Variants in CADPS observed in about 807,000 individuals in gnomAD.
CADPS encodes the protein calcium dependent secretion activator.
A neutral mutation model predicts 167.3 loss-of-function variants in CADPS; 57 were observed. That is an observed-to-expected ratio of 0.34 (90% CI 0.28 to 0.42). CADPS has a LOEUF of 0.42. CADPS is among the 20% of genes least tolerant of loss of function. The pLI, the probability that CADPS is intolerant of heterozygous loss-of-function variation, is 1.00. For synonymous variants in CADPS, 676 were observed against 635.3 expected (o/e 1.06, Z -0.96); for missense variants, 1,414 against 1,738.1 (o/e 0.81, Z 3.32).
chr3:62,497,437 G>C (rs1252383809), intron 18 of CADPS, among the ~76,000 whole-genome samples: 3 of 152,178 alleles, frequency 2.0e-5, no homozygotes, highest in Non-Finnish European at 2.9e-5. Flanking sequence ...CATGCCTCTG[G>C]AGATGACTTT....
Position 62,635,043 on chromosome 3 carries a change from T to A in CADPS, c.1325+10679A>T, listed in dbSNP as rs115865015. Among the ~76,000 whole-genome samples, 697 of 152,308 alleles carry A rather than the reference T, an allele frequency of 4.6e-3. 6 individuals are homozygous for A. The highest frequency in any genetic ancestry group is 0.016 in the African/African-American group (666 of 41,578). ...TGGTTCTGATTACAAATGACAAAAA[T>A]TACACACTAAGTTCTTCCAGAGGCT... On this transcript the variant is annotated intron_variant, in intron 6 of 29. Coordinates refer to ENST00000383710, the MANE Select transcript of CADPS (RefSeq NM_003716.4).
intron 1 of CADPS, chr3:62,779,892 A>G (rs1438494983): frequency 2.8e-5 from 5 of 181,742 alleles, no homozygotes; most frequent in Admixed American, 2.4e-4. Context: ...TAGGGATAAC[A>G]TAAGGATAAA....
rs527643464 is a variant in CADPS at position 62,822,288 on chromosome 3, C to T, written c.441+52301G>A. Among the ~76,000 whole-genome samples the T allele has an allele frequency of 2.0e-4, 30 of 152,244 alleles. No individual in the cohort carries two copies. In the South Asian group the frequency reaches 3.3e-3, roughly 17 times the overall value. On this transcript the variant is annotated intron_variant, in intron 1 of 29. Coordinates refer to ENST00000383710, the MANE Select transcript of CADPS (RefSeq NM_003716.4). ...CTTATAATTCTGCCTACCACATCAC[C>T]CTTGATCTTTTTCACCTTCCCTCAA...
intron 16 of CADPS, among the ~76,000 whole-genome samples, chr3:62,515,509 G>GAA (rs2068760234): frequency 6.6e-6 from 1 of 152,056 alleles, no homozygotes; most frequent in Non-Finnish European, 1.5e-5. Flanking sequence ...GGAGTAACAA[G>GAA]AATGAATGAG....
chr3:62,473,642 A>G (rs2060889943), intron 24 of CADPS: 1 of 151,840 alleles, frequency 6.6e-6, no homozygotes, highest in Non-Finnish European at 1.5e-5. Context: ...GTCAGGAAAG[A>G]TTCATGATCA....
chr3:62,806,908 G>T (rs1406002186), intron 1 of CADPS, among the ~76,000 whole-genome samples: 2 of 152,168 alleles, frequency 1.3e-5, no homozygotes, highest in Non-Finnish European at 2.9e-5. Context: ...TAAGATTCTG[G>T]AATAATTATT....
At chr3:62,491,281 T>C (rs1407016856) in intron 21 of CADPS, 58 bp downstream of exon 21, 12 of 1,554,218 alleles carry the variant, frequency 7.7e-6, no homozygotes, top group Non-Finnish European at 1.1e-5. Context: ...TCCATTTCTG[T>C]ATTACTCTCC....
At chr3:62,596,836 C>T (rs1171931515) in intron 6 of CADPS, among the ~76,000 whole-genome samples, 2 of 152,136 alleles carry the variant, frequency 1.3e-5, no homozygotes, top group Non-Finnish European at 2.9e-5. Flanking sequence ...GGTAAAATAG[C>T]TATTATCATT....
At chr3:62,702,071 A>T (rs6769617) in intron 3 of CADPS, among the ~76,000 whole-genome samples, 94,212 of 151,950 alleles carry the variant, frequency 0.62, 30,538 homozygotes, top group East Asian at 0.98. Flanking sequence ...CTGCAACATG[A>T]GGATTCAGTA....
intron 1 of CADPS, among the ~76,000 whole-genome samples, chr3:62,801,675 T>G (rs938886380): frequency 6.6e-6 from 1 of 152,176 alleles, no homozygotes; most frequent in Non-Finnish European, 1.5e-5. Flanking sequence ...AACGCCAATA[T>G]GTGCCAGGTG....
chr3:62,403,434 A>G, intron 28 of CADPS: 4 of 286,084 alleles, frequency 1.4e-5, no homozygotes, highest in Non-Finnish European at 2.6e-5. Flanking sequence ...GAACTCTTCC[A>G]CGACAGACAT....
At chr3:62,519,415 G>A (rs1196453557) in intron 13 of CADPS, among the ~76,000 whole-genome samples, 1 of 152,130 alleles carries the variant, frequency 6.6e-6, no homozygotes, top group Non-Finnish European at 1.5e-5. Flanking sequence ...TAATCAGTCA[G>A]CTTTCCTTCT....
intron 19 of CADPS, 123 bp from the exon 20 acceptor site, chr3:62,492,569 T>C: frequency 1.3e-5 from 13 of 973,014 alleles, no homozygotes; most frequent in Non-Finnish European, 1.9e-5. Flanking sequence ...TTTGGTAATT[T>C]TATTGTAAAG....
intron 9 of CADPS, among the ~76,000 whole-genome samples, chr3:62,558,710 G>A (rs578257529): frequency 2.6e-5 from 4 of 152,256 alleles, no homozygotes; most frequent in South Asian, 2.1e-4. Flanking sequence ...GGTGTCCGCA[G>A]GAGGATGTTT....
chr3:62,628,539 C>T (rs1042648971), intron 6 of CADPS, among the ~76,000 whole-genome samples: 1 of 151,862 alleles, frequency 6.6e-6, no homozygotes, highest in Non-Finnish European at 1.5e-5. Context: ...AACCTAGATG[C>T]TATCCTTGAT....
intron 11 of CADPS, among the ~76,000 whole-genome samples, chr3:62,545,910 G>A (rs1009177715): frequency 5.3e-5 from 8 of 151,598 alleles, no homozygotes; most frequent in South Asian, 2.1e-4. Flanking sequence ...CCATTTCTAC[G>A]TAGCTTCCTT....
chr3:62,857,670 C>T (rs1577431683), intron 1 of CADPS, among the ~76,000 whole-genome samples: 1 of 151,842 alleles, frequency 6.6e-6, no homozygotes, highest in East Asian at 1.9e-4. Context: ...TAATATTAAC[C>T]TCTATATATC....
chr3:62,464,145 A>G (rs1022662360), intron 26 of CADPS, among the ~76,000 whole-genome samples: 18 of 152,026 alleles, frequency 1.2e-4, no homozygotes, highest in Non-Finnish European at 1.0e-4. Flanking sequence ...TATCTTCATG[A>G]TAGCTCATTA....
chr3:62,547,207 G>A (rs574278517), intron 11 of CADPS, among the ~76,000 whole-genome samples: 13 of 152,156 alleles, frequency 8.5e-5, no homozygotes, highest in Admixed American at 4.6e-4. Flanking sequence ...ACCATGGGAC[G>A]GCTGGGATCC....
Sources: allele counts gnomAD v4.1 joint callset (sites outside exome capture counted in the v4.1 genomes callset), GRCh38; gene constraint gnomAD v4.1.1; transcripts MANE v1.5; gene names NCBI Gene and HGNC (gene_info 2026-07-23, HGNC 2026-07-21).